Variants in LPAR1 observed in about 807,000 individuals in gnomAD.
LPAR1 encodes LPA receptor 1.
LPAR1 carries 5 observed loss-of-function variants against 23.8 expected under a neutral mutation model. That is an observed-to-expected ratio of 0.21 (90% CI 0.11 to 0.44). The LOEUF is 0.44. Among genes scored for constraint, LPAR1 ranks in the 20% least tolerant of loss-of-function variants. The probability of loss-of-function intolerance (pLI) is 0.99; values close to 1 mark genes in which losing one functional copy is unlikely to be tolerated. For missense variants in LPAR1, 311 were observed against 482.8 expected, an observed-to-expected ratio of 0.64 and a Z score of 3.33; for synonymous variants, 160 against 164.7, an observed-to-expected ratio of 0.97 and a Z score of 0.22.
chr9:110,964,215 G>T (rs2096112250), intron 4 of LPAR1, among the ~76,000 whole-genome samples: 1 of 152,078 alleles, frequency 6.6e-6, no homozygotes, highest in South Asian at 2.1e-4. Context: ...AGAGGAAGTG[G>T]AATTGCCTTT....
At chr9:110,886,642 C>T (rs1044826280) in intron 5 of LPAR1, among the ~76,000 whole-genome samples, 1 of 152,108 alleles carries the variant, frequency 6.6e-6, no homozygotes, top group African/African-American at 2.4e-5. Context: ...GATTTGTTTT[C>T]TTTTACATAA....
intron 4 of LPAR1, among the ~76,000 whole-genome samples, chr9:110,963,471 G>A (rs2096075966): frequency 6.6e-6 from 1 of 152,094 alleles, no homozygotes; most frequent in Admixed American, 6.6e-5. Context: ...TTCCTTTGAT[G>A]GGTCTTCTGG....
intron 2 of LPAR1, among the ~76,000 whole-genome samples, chr9:110,991,767 A>G (rs1048795317): frequency 6.6e-6 from 1 of 151,902 alleles, no homozygotes; most frequent in African/African-American, 2.4e-5. Context: ...TGCCATTTGT[A>G]TTTTTAGTAG....
Position 110,973,520 on chromosome 9 carries a change from A to G in LPAR1, c.-143T>C, listed in dbSNP as rs558832585. On this transcript the variant is annotated 5_prime_UTR_variant, in exon 3 of 6. Coordinates refer to ENST00000683809, the MANE Select transcript of LPAR1 (RefSeq NM_001351411.2). ...GTCAGTCCTGAGAAGTCAGGTACTC[A>G]GATAGGTGGATGGGGAGCTTCATAA... The G allele has an allele frequency of 2.6e-5, 4 of 152,344 alleles. No individual in the cohort carries two copies. In the East Asian group the frequency reaches 7.7e-4, roughly 29 times the overall value. The allele number at this position is 152,344 out of a possible 1,614,324, so 9.4% of individuals were successfully genotyped here. A position where few individuals can be genotyped will look rare whatever the true frequency, so the allele number is the denominator to read the frequency against.
At chr9:110,954,721 CA>C (rs1564155006) in intron 4 of LPAR1, among the ~76,000 whole-genome samples, 1 of 151,610 alleles carries the variant, frequency 6.6e-6, no homozygotes, top group Admixed American at 6.6e-5. Flanking sequence ...AACAAACAAA[CA>C]AAAAAAACTG....
intron 5 of LPAR1, among the ~76,000 whole-genome samples, chr9:110,881,143 T>C (rs557105179): frequency 6.6e-6 from 1 of 152,168 alleles, no homozygotes; most frequent in Non-Finnish European, 1.5e-5. Context: ...ATCTCCACAG[T>C]ATTATTGTTC....
At position 110,875,143 on chromosome 9, in the gene LPAR1, T is replaced by C. The variant is rs2078792672; in HGVS notation, c.*278A>G. On this transcript the variant is annotated 3_prime_UTR_variant, in exon 6 of 6. Coordinates refer to ENST00000683809, the MANE Select transcript of LPAR1 (RefSeq NM_001351411.2). ...AAAAGTCTAGTTAGTGTAGTCTAAA[T>C]GGACACTCCAGAGTCTGTTCTTGAA... The C allele has an allele frequency of 6.5e-6, 2 of 306,326 alleles. No homozygotes were observed. Among genetic ancestry groups the C allele is most frequent in the Non-Finnish European group, 1.2e-5 (2 of 167,448 alleles). The allele number at this position is 306,326 out of a possible 1,614,324, so 19.0% of individuals were successfully genotyped here. A position where few individuals can be genotyped will look rare whatever the true frequency, so the allele number is the denominator to read the frequency against.
chr9:110,931,478 C>CA (rs911927070), intron 5 of LPAR1, among the ~76,000 whole-genome samples: 20 of 151,836 alleles, frequency 1.3e-4, no homozygotes, highest in Admixed American at 3.9e-4. Context: ...AACAAGTTTG[C>CA]AAAAAAAATT....
chr9:111,015,487 A>T (rs2097425682), intron 2 of LPAR1, among the ~76,000 whole-genome samples: 1 of 152,142 alleles, frequency 6.6e-6, no homozygotes, highest in Non-Finnish European at 1.5e-5. Context: ...GTAGAATCTT[A>T]AAAAGTTGAA....
At chr9:110,927,128 T>A (rs2094101312) in intron 5 of LPAR1, among the ~76,000 whole-genome samples, 1 of 152,194 alleles carries the variant, frequency 6.6e-6, no homozygotes, top group African/African-American at 2.4e-5. Context: ...AAAGGTTAAG[T>A]GGATTGCCCA....
intron 2 of LPAR1, among the ~76,000 whole-genome samples, chr9:110,991,098 T>C (rs2096884435): frequency 6.6e-6 from 1 of 152,174 alleles, no homozygotes; most frequent in South Asian, 2.1e-4. Context: ...GTCATAAACC[T>C]AAATATAAAA....
intron 4 of LPAR1, among the ~76,000 whole-genome samples, chr9:110,956,961 C>G (rs1027475450): frequency 6.6e-6 from 1 of 152,086 alleles, no homozygotes; most frequent in Non-Finnish European, 1.5e-5. Flanking sequence ...ATATCGAAAC[C>G]AGAAAAGGAT....
At chr9:111,027,677 TTAACTCAAAGTTG>T (rs1588935529) in intron 2 of LPAR1, among the ~76,000 whole-genome samples, 1 of 151,884 alleles carries the variant, frequency 6.6e-6, no homozygotes, top group East Asian at 1.9e-4. Context: ...ATAGAAAGCC[TTAACTCAAAGTTG>T]ACCTTTGAGT....
At chr9:110,909,601 C>T (rs943514372) in intron 5 of LPAR1, among the ~76,000 whole-genome samples, 23 of 152,206 alleles carry the variant, frequency 1.5e-4, no homozygotes, top group African/African-American at 5.3e-4. Context: ...TCTCCAGCAG[C>T]ATGTGCTCAC....
At chr9:111,015,998 C>A (rs1163817045) in intron 2 of LPAR1, among the ~76,000 whole-genome samples, 1 of 152,060 alleles carries the variant, frequency 6.6e-6, no homozygotes, top group African/African-American at 2.4e-5. Flanking sequence ...AGCCCCAGCA[C>A]TTTGGATCTA....
rs541365296 is a variant in LPAR1, at chr9:110,971,034, C to A, written c.45+1039G>T. ...CCTGTAATCTCAGCTACTCAGGAAG[C>A]TGAGACAGGAGAATCGCTTGAACCC... On this transcript the variant is annotated intron_variant, in intron 4 of 5. Transcript: ENST00000683809. 1.8e-3 allele frequency among the ~76,000 whole-genome samples: 280 copies of A among 152,286 alleles called. 4 individuals carry two copies. Among genetic ancestry groups the A allele is most frequent in the Middle Eastern group, 0.017 (5 of 294 alleles).
chr9:111,001,194 C>T (rs1201190480), intron 2 of LPAR1, among the ~76,000 whole-genome samples: 1 of 152,106 alleles, frequency 6.6e-6, no homozygotes, highest in African/African-American at 2.4e-5. Flanking sequence ...CAATAAATAA[C>T]ATGTAAGGAG....
intron 2 of LPAR1, among the ~76,000 whole-genome samples, chr9:110,995,575 A>C (rs941118500): frequency 2.6e-5 from 4 of 152,196 alleles, no homozygotes; most frequent in African/African-American, 9.6e-5. Context: ...ATTGTACTAG[A>C]GGATGAATTA....
intron 2 of LPAR1, among the ~76,000 whole-genome samples, chr9:110,987,070 C>T (rs888353910): frequency 3.5e-4 from 53 of 152,048 alleles, no homozygotes; most frequent in African/African-American, 1.2e-3. Flanking sequence ...CATCAAGATC[C>T]TAAAAAGTGT....
Sources: allele counts gnomAD v4.1 joint callset (sites outside exome capture counted in the v4.1 genomes callset), GRCh38; gene constraint gnomAD v4.1.1; transcripts MANE v1.5; gene names NCBI Gene and HGNC (gene_info 2026-07-23, HGNC 2026-07-21).